Variants in ACTR3C observed in about 807,000 individuals in gnomAD.
The protein encoded by ACTR3C is actin-related protein 3C.
Under a neutral mutation model 26.3 loss-of-function variants are expected in ACTR3C, and 18 were observed. The observed-to-expected ratio is 0.68, with a 90% CI of 0.47 to 1.01. The LOEUF is 1.01. ACTR3C is among the 50% of genes least tolerant of loss of function. The pLI is 0.00. For missense variants in ACTR3C, 184 were observed against 250.7 expected (o/e 0.73, Z 1.80); for synonymous variants, 55 against 94.5 (o/e 0.58, Z 2.42).
At chr7:150,179,431 AG>A in the ACTR3C span, among the ~76,000 whole-genome samples, 10,376 of 121,666 alleles carry the variant, frequency 0.085, 688 homozygotes, top group South Asian at 0.2. Flanking sequence ...AAAAAAAAAA[AG>A]AAAGAAATTG....
At chr7:150,092,007 A>G in the ACTR3C span, among the ~76,000 whole-genome samples, 5 of 142,502 alleles carry the variant, frequency 3.5e-5, no homozygotes, top group African/African-American at 1.3e-4. Flanking sequence ...AAAAAAAAAA[A>G]AAAAAAAAAA....
the ACTR3C span, among the ~76,000 whole-genome samples, chr7:149,918,443 C>T: frequency 4.3e-4 from 65 of 152,232 alleles, no homozygotes; most frequent in Non-Finnish European, 1.6e-4. Flanking sequence ...GTAATCCCAA[C>T]ACTTCGGGAG....
chr7:150,084,316 C>G, the ACTR3C span, among the ~76,000 whole-genome samples: 1 of 152,098 alleles, frequency 6.6e-6, no homozygotes, highest in African/African-American at 2.4e-5. Flanking sequence ...TCCTAACTAC[C>G]AAGCACATTG....
intron 6 of ACTR3C, among the ~76,000 whole-genome samples, chr7:150,253,447 C>T (rs940655642): frequency 3.9e-5 from 6 of 152,142 alleles, no homozygotes; most frequent in African/African-American, 1.4e-4. Flanking sequence ...GCTCTAGCAT[C>T]CTGACTTCTT....
intron 6 of ACTR3C, among the ~76,000 whole-genome samples, chr7:150,260,661 A>G (rs891530987): frequency 6.6e-6 from 1 of 152,224 alleles, no homozygotes; most frequent in Non-Finnish European, 1.5e-5. Flanking sequence ...GCTGCCCCCT[A>G]AGCTTCGGGG....
chr7:150,039,377 G>T, the ACTR3C span, among the ~76,000 whole-genome samples: 1 of 99,948 alleles, frequency 1.0e-5, no homozygotes, highest in East Asian at 3.8e-4. Flanking sequence ...CCTGCGATGG[G>T]GGTCCTAAGA....
At chr7:150,262,942 C>T (rs1388656593) in intron 6 of ACTR3C, among the ~76,000 whole-genome samples, 1 of 152,134 alleles carries the variant, frequency 6.6e-6, no homozygotes, top group Non-Finnish European at 1.5e-5. Context: ...GTGATGAATG[C>T]CTTGAGAGAG....
the ACTR3C span, among the ~76,000 whole-genome samples, chr7:149,983,527 G>GA: frequency 6.7e-6 from 1 of 148,332 alleles, no homozygotes; most frequent in Non-Finnish European, 1.5e-5. Flanking sequence ...TATTGGGGGG[G>GA]AATGCAAAAT....
the ACTR3C span, among the ~76,000 whole-genome samples, chr7:149,971,480 G>T: frequency 6.6e-6 from 1 of 152,042 alleles, no homozygotes; most frequent in Non-Finnish European, 1.5e-5. Context: ...ATTTCATTAG[G>T]TTTCTTAGCT....
At chr7:150,064,297 G>C in the ACTR3C span, among the ~76,000 whole-genome samples, 1 of 147,888 alleles carries the variant, frequency 6.8e-6, no homozygotes, top group Non-Finnish European at 1.5e-5. Flanking sequence ...GCTCATGCCT[G>C]TAATCCCAGC....
At chr7:150,255,242 A>ATTTTTTTTTT (rs745713614) in intron 6 of ACTR3C, among the ~76,000 whole-genome samples, 1 of 85,600 alleles carries the variant, frequency 1.2e-5, no homozygotes, top group Non-Finnish European at 2.3e-5. Flanking sequence ...TTTGTAGGGG[A>ATTTTTTTTTT]TTTTTTTTTT....
At chr7:150,148,204 C>T in the ACTR3C span, among the ~76,000 whole-genome samples, 67 of 150,172 alleles carry the variant, frequency 4.5e-4, no homozygotes, top group Admixed American at 3.3e-4. Context: ...AAAGGCCAGG[C>T]GCGGTGGCTC....
chr7:150,092,507 A>G, the ACTR3C span, among the ~76,000 whole-genome samples: 1 of 149,696 alleles, frequency 6.7e-6, no homozygotes, highest in African/African-American at 2.5e-5. Flanking sequence ...ATCCTTAAAC[A>G]ATAGGGAGAT....
the ACTR3C span, among the ~76,000 whole-genome samples, chr7:150,081,074 C>T: frequency 1.3e-5 from 2 of 152,028 alleles, no homozygotes; most frequent in Non-Finnish European, 2.9e-5. Flanking sequence ...CGTAATAAGA[C>T]AACTCTGGAG....
At chr7:150,278,932 A>G (rs1835101026) in intron 6 of ACTR3C, among the ~76,000 whole-genome samples, 1 of 152,226 alleles carries the variant, frequency 6.6e-6, no homozygotes, top group Admixed American at 6.5e-5. Context: ...GAAAAGACAA[A>G]AAAACCAATG....
the ACTR3C span, among the ~76,000 whole-genome samples, chr7:150,137,064 C>A: frequency 6.6e-6 from 1 of 152,226 alleles, no homozygotes; most frequent in Non-Finnish European, 1.5e-5. Flanking sequence ...CCTGATCTGA[C>A]AGGAGGTGGG....
At chr7:149,910,007 A>G in the ACTR3C span, among the ~76,000 whole-genome samples, 2 of 147,018 alleles carry the variant, frequency 1.4e-5, no homozygotes, top group South Asian at 4.3e-4. Context: ...TTTACACTCT[A>G]TCTTTACAAA....
the ACTR3C span, among the ~76,000 whole-genome samples, chr7:150,201,579 C>T: frequency 6.7e-6 from 1 of 148,436 alleles, no homozygotes; most frequent in Non-Finnish European, 1.5e-5. Flanking sequence ...GAAACCTTGT[C>T]TCTAGTAAAA....
the ACTR3C span, among the ~76,000 whole-genome samples, chr7:149,882,361 C>G: frequency 6.6e-6 from 1 of 152,194 alleles, no homozygotes; most frequent in East Asian, 1.9e-4. Flanking sequence ...TGAATTCTCA[C>G]TGAGCCCCCT....
Sources: allele counts gnomAD v4.1 joint callset (sites outside exome capture counted in the v4.1 genomes callset), GRCh38; gene constraint gnomAD v4.1.1; transcripts MANE v1.5; gene names NCBI Gene and HGNC (gene_info 2026-07-23, HGNC 2026-07-21).